Variants in PRKG1 observed in about 807,000 individuals in gnomAD.
PRKG1 encodes the protein cGMP-dependent protein kinase 1.
Under a neutral mutation model 88.1 loss-of-function variants are expected in PRKG1, and 35 were observed. The ratio of observed to expected loss-of-function variants is 0.40; its 90% CI spans 0.30 to 0.53. The LOEUF is 0.53. Ranked by LOEUF, PRKG1 falls within the 20% of genes least tolerant of loss-of-function variation. The pLI, the probability that PRKG1 is intolerant of heterozygous loss-of-function variation, is 0.59. For missense variants in PRKG1, 540 were observed against 839.8 expected, an observed-to-expected ratio of 0.64 and a Z score of 4.41; for synonymous variants, 303 against 292.5, an observed-to-expected ratio of 1.04 and a Z score of -0.37.
chr10:51,452,904 G>A (rs1839477058), intron 2 of PRKG1, among the ~76,000 whole-genome samples: 1 of 151,934 alleles, frequency 6.6e-6, no homozygotes, highest in South Asian at 2.1e-4. Context: ...GAATTCAGCT[G>A]TGAATCTAAC....
intron 2 of PRKG1, among the ~76,000 whole-genome samples, chr10:51,380,711 A>G (rs763001039): frequency 6.6e-6 from 1 of 152,190 alleles, no homozygotes; most frequent in Non-Finnish European, 1.5e-5. Flanking sequence ...AAAGGTCACA[A>G]TAAGTGAACA....
At position 52,058,803 on chromosome 10, in the gene PRKG1, G is replaced by A. The variant is rs115200625; in HGVS notation, c.841-3734G>A. Among the ~76,000 whole-genome samples the A allele has an allele frequency of 9.4e-3, 1,429 of 151,864 alleles. 25 individuals carry two copies. Among genetic ancestry groups the A allele is most frequent in the African/African-American group, 0.032 (1,313 of 41,476 alleles). On this transcript the variant is annotated intron_variant, in intron 6 of 17. Transcript: ENST00000373980. ...AATCCATAAAGAAAAATGATAAAGT[G>A]GGCTTTATCAAATTTAGAAACTTTT...
intron 3 of PRKG1, among the ~76,000 whole-genome samples, chr10:51,649,272 A>G (rs970757031): frequency 1.3e-5 from 2 of 152,166 alleles, no homozygotes; most frequent in Non-Finnish European, 2.9e-5. Context: ...AGTCATTGCT[A>G]TTTTAAAGAG....
chr10:51,624,045 A>AT (rs1839274845), intron 3 of PRKG1, among the ~76,000 whole-genome samples: 2 of 151,916 alleles, frequency 1.3e-5, no homozygotes, highest in Non-Finnish European at 2.9e-5. Flanking sequence ...AACCACTCAT[A>AT]TTTTTTTCCC....
intron 3 of PRKG1, among the ~76,000 whole-genome samples, chr10:51,516,472 C>A (rs1225362984): frequency 6.6e-6 from 1 of 151,972 alleles, no homozygotes; most frequent in Non-Finnish European, 1.5e-5. Context: ...AGAGCAGGCA[C>A]ACAGGGATAG....
chr10:52,084,161 A>C (rs1189479203), intron 7 of PRKG1, among the ~76,000 whole-genome samples: 1 of 152,036 alleles, frequency 6.6e-6, no homozygotes, highest in African/African-American at 2.4e-5. Context: ...TTAGCAGTGC[A>C]TTTAAAATGC....
intron 8 of PRKG1, among the ~76,000 whole-genome samples, chr10:52,135,049 G>T (rs976774239): frequency 1.3e-5 from 2 of 152,098 alleles, no homozygotes; most frequent in African/African-American, 4.8e-5. Flanking sequence ...CACAGATGCT[G>T]GTTTTAAGAG....
At chr10:51,816,636 T>A (rs1839594924) in intron 4 of PRKG1, among the ~76,000 whole-genome samples, 1 of 151,792 alleles carries the variant, frequency 6.6e-6, no homozygotes, top group African/African-American at 2.4e-5. Context: ...GGAGAGAGGA[T>A]TTTTTCTTTG....
At chr10:51,185,624 A>G (rs1837465635) in intron 2 of PRKG1, among the ~76,000 whole-genome samples, 3 of 152,078 alleles carry the variant, frequency 2.0e-5, no homozygotes, top group Admixed American at 2.0e-4. Flanking sequence ...GAATATATGT[A>G]TATACTTTTT....
chr10:52,224,610 C>T (rs1260972877), intron 9 of PRKG1, among the ~76,000 whole-genome samples: 2 of 122,874 alleles, frequency 1.6e-5, no homozygotes, highest in Admixed American at 1.8e-4. Context: ...CGACTCTTCC[C>T]CCCAAGTCCC....
Position 51,561,035 on chromosome 10 carries a change from C to T in PRKG1, c.592+93199C>T, listed in dbSNP as rs182876059. Among the ~76,000 whole-genome samples the T allele has an allele frequency of 1.7e-3, 257 of 151,002 alleles. 1 individual carries two copies. Among genetic ancestry groups the T allele is most frequent in the African/African-American group, 6.0e-3 (248 of 41,052 alleles). On this transcript the variant is annotated intron_variant, in intron 3 of 17. Transcript: ENST00000373980. ...TCTGAGATGAGAGGATTTCTTGAGC[C>T]CAGGAGTTTGAGAACAGCTTGGGTA...
intron 8 of PRKG1, among the ~76,000 whole-genome samples, chr10:52,151,444 T>C (rs562789204): frequency 6.6e-6 from 1 of 152,310 alleles, no homozygotes; most frequent in East Asian, 1.9e-4. Context: ...TTAGTATTGA[T>C]AGTTTGTTTC....
chr10:52,087,709 T>C (rs558110287), intron 7 of PRKG1, among the ~76,000 whole-genome samples: 1 of 152,326 alleles, frequency 6.6e-6, no homozygotes, highest in African/African-American at 2.4e-5. Flanking sequence ...TTTATGCCAC[T>C]AAATTGCATC....
At chr10:51,428,255 G>A (rs1435648973) in intron 2 of PRKG1, among the ~76,000 whole-genome samples, 1 of 152,114 alleles carries the variant, frequency 6.6e-6, no homozygotes, top group Non-Finnish European at 1.5e-5. Context: ...TATTAACTGA[G>A]GTAATTTAGG....
chr10:51,453,178 C>T (rs779287127), intron 2 of PRKG1, among the ~76,000 whole-genome samples: 1 of 151,926 alleles, frequency 6.6e-6, no homozygotes, highest in Non-Finnish European at 1.5e-5. Context: ...TGGATCTTCT[C>T]TCTTCTCTTC....
At chr10:51,823,059 T>C (rs1839790189) in intron 4 of PRKG1, among the ~76,000 whole-genome samples, 1 of 152,150 alleles carries the variant, frequency 6.6e-6, no homozygotes, top group Admixed American at 6.5e-5. Flanking sequence ...TTTTAGAGGC[T>C]AAGACAGCTA....
At chr10:51,387,635 T>C (rs1837288051) in intron 2 of PRKG1, among the ~76,000 whole-genome samples, 1 of 152,112 alleles carries the variant, frequency 6.6e-6, no homozygotes, top group Non-Finnish European at 1.5e-5. Flanking sequence ...ATGACAAATA[T>C]TCGAAAGGCC....
intron 3 of PRKG1, among the ~76,000 whole-genome samples, chr10:51,725,996 G>A (rs1589235449): frequency 6.6e-6 from 1 of 152,152 alleles, no homozygotes; most frequent in Admixed American, 6.5e-5. Context: ...ATTCTCCTAG[G>A]TGAGCAATGC....
At chr10:52,083,734 A>G (rs980189076) in intron 7 of PRKG1, among the ~76,000 whole-genome samples, 12 of 152,014 alleles carry the variant, frequency 7.9e-5, no homozygotes, top group African/African-American at 2.9e-4. Context: ...TGAGTGTTTT[A>G]CCTAAAGAGT....
Sources: gnomAD v4.1 joint callset for allele counts (sites outside exome capture counted in the v4.1 genomes callset) on GRCh38, gnomAD v4.1.1 for gene constraint, MANE v1.5 for transcripts, NCBI Gene and HGNC (gene_info 2026-07-23, HGNC 2026-07-21) for gene names.